The following IQSEC1 variants were observed in gnomAD, a reference collection of about 807,000 sequenced individuals.
IQSEC1 encodes IQ motif and SEC7 domain-containing protein 1.
A neutral mutation model predicts 91.0 loss-of-function variants in IQSEC1; 31 were observed. The observed-to-expected ratio is 0.34, with a 90% CI of 0.26 to 0.46. The LOEUF (loss-of-function observed/expected upper bound fraction) is 0.46. Among genes scored for constraint, IQSEC1 ranks in the 20% least tolerant of loss-of-function variants. The pLI is 1.00. For synonymous variants in IQSEC1, 699 were observed against 662.6 expected (o/e 1.05, Z -0.84); for missense variants, 1,388 against 1,575.6 (o/e 0.88, Z 2.02).
intron 1 of IQSEC1, among the ~76,000 whole-genome samples, chr3:13,177,178 T>C (rs1449800099): frequency 6.6e-6 from 1 of 152,324 alleles, no homozygotes; most frequent in East Asian, 1.9e-4. Flanking sequence ...TTACACACTT[T>C]AAAAGGGCCA....
At chr3:12,912,798 T>C (rs1015613732) in intron 9 of IQSEC1, among the ~76,000 whole-genome samples, 1 of 151,888 alleles carries the variant, frequency 6.6e-6, no homozygotes, top group Non-Finnish European at 1.5e-5. Context: ...TCTGCCCCCG[T>C]CTGGCTAGCA....
chr3:13,175,267 T>G (rs1693704376), intron 1 of IQSEC1, among the ~76,000 whole-genome samples: 2 of 152,144 alleles, frequency 1.3e-5, no homozygotes, highest in Admixed American at 1.3e-4. Context: ...TCCTCATTTG[T>G]AAAATGCACC....
At chr3:13,052,666 C>T (rs1704732809) in intron 1 of IQSEC1, among the ~76,000 whole-genome samples, 1 of 152,196 alleles carries the variant, frequency 6.6e-6, no homozygotes, top group Non-Finnish European at 1.5e-5. Context: ...CCACCAGCAA[C>T]GGGTGAGTGA....
Position 12,943,961 on chromosome 3 carries a change from A to C in IQSEC1, c.24-2096T>G, listed in dbSNP as rs556782799. Among the ~76,000 whole-genome samples, 919 of 152,140 alleles carry C rather than the reference A, an allele frequency of 6.0e-3. 8 individuals carry two copies. Among genetic ancestry groups the C allele is most frequent in the African/African-American group, 0.021 (873 of 41,498 alleles). On this transcript the variant is annotated intron_variant, in intron 1 of 13. Transcript: ENST00000613206. Reference sequence around the variant, plus strand: ...GGGTCAGGCAGGGGATGCCCACCCCACTCCCCAGGAGCTGGGCCATGACAG... The same window carrying C: ...GGGTCAGGCAGGGGATGCCCACCCCCCTCCCCAGGAGCTGGGCCATGACAG...
Position 12,992,501 on chromosome 3 carries a change from G to A in IQSEC1, c.24-50636C>T, listed in dbSNP as rs1159759163. 2.6e-5 allele frequency among the ~76,000 whole-genome samples: 4 copies of A among 152,238 alleles called. No individual in the cohort carries two copies. The highest frequency in any genetic ancestry group is 2.1e-4 in the South Asian group (1 of 4,836). On this transcript the variant is annotated intron_variant, in intron 1 of 13. Coordinates refer to ENST00000613206, the MANE Select transcript of IQSEC1 (RefSeq NM_001134382.3). This position sits in a 1 kb window ranked among gnomAD's most constrained non-coding sequence, Gnocchi z 4.1. ...CATACTGGGGGCAGGGGAGGGTGAC[G>A]AGAAAGCTATTCCTGTGTCACCTTA...
intron 1 of IQSEC1, among the ~76,000 whole-genome samples, chr3:12,981,839 G>T (rs574390349): frequency 2.6e-5 from 4 of 152,182 alleles, no homozygotes; most frequent in African/African-American, 7.2e-5. Context: ...GTCAGGAGCC[G>T]GGTGAGACCA....
chr3:13,009,177 A>G (rs1200596083), intron 1 of IQSEC1, among the ~76,000 whole-genome samples: 4 of 152,116 alleles, frequency 2.6e-5, no homozygotes, highest in Non-Finnish European at 5.9e-5. Context: ...TCATAGGTCT[A>G]TTTTACAGAT....
chr3:12,945,153 G>C (rs1439984987), intron 1 of IQSEC1, among the ~76,000 whole-genome samples: 1 of 152,202 alleles, frequency 6.6e-6, no homozygotes, highest in African/African-American at 2.4e-5. Context: ...AGATGGGAGT[G>C]CCTGGCGCTG....
At chr3:13,116,043 C>T (rs930893035) in intron 2 of IQSEC1, among the ~76,000 whole-genome samples, 2 of 152,214 alleles carry the variant, frequency 1.3e-5, no homozygotes, top group Non-Finnish European at 2.9e-5. Flanking sequence ...AGAAGGGTCC[C>T]TTAGGATCCC....
intron 5 of IQSEC1, 109 bp from the exon 6 acceptor site, chr3:12,920,705 G>C: frequency 8.5e-7 from 1 of 1,177,102 alleles, no homozygotes; most frequent in Non-Finnish European, 1.2e-6. Context: ...CCTGCTTCTG[G>C]TGAGCGAGGA....
chr3:13,073,866 TCA>T (rs1705516015), upstream of IQSEC1, among the ~76,000 whole-genome samples: 1 of 152,164 alleles, frequency 6.6e-6, no homozygotes, highest in Non-Finnish European at 1.5e-5. Context: ...GTGAAAGGGA[TCA>T]TAACAGCTAT....
intron 1 of IQSEC1, among the ~76,000 whole-genome samples, chr3:13,244,860 C>A (rs1695081919): frequency 6.6e-6 from 1 of 152,176 alleles, no homozygotes; most frequent in Non-Finnish European, 1.5e-5. Context: ...CACCGTGGCA[C>A]CAGCCAACTG....
chr3:12,949,771 G>A (rs1004642550), intron 1 of IQSEC1, among the ~76,000 whole-genome samples: 5 of 152,296 alleles, frequency 3.3e-5, no homozygotes, highest in South Asian at 2.1e-4. Context: ...TCTGGGGGGC[G>A]GGTGGGGGCA....
chr3:13,236,819 G>A (rs1694937380), intron 1 of IQSEC1, among the ~76,000 whole-genome samples: 1 of 152,214 alleles, frequency 6.6e-6, no homozygotes, highest in Admixed American at 6.5e-5. Flanking sequence ...TGAGGCCTCT[G>A]GTCACCCCAT....
chr3:12,978,217 C>T (rs1701278772), intron 1 of IQSEC1, among the ~76,000 whole-genome samples: 1 of 152,220 alleles, frequency 6.6e-6, no homozygotes, highest in Admixed American at 6.5e-5. Flanking sequence ...CACTAAGACA[C>T]ACAGCCCATG....
chr3:13,259,184 C>T lies in IQSEC1; in HGVS notation c.272+23527G>A, dbSNP rs1695340686. ...GCCACACCGCTCCACCTCCACCACC[C>T]TCTGCCATGCAGGCCCTGGGACGGG... On this transcript the variant is annotated intron_variant, in intron 1 of 15. Transcript: ENST00000648114. This position sits in a 1 kb window ranked among gnomAD's most constrained non-coding sequence, Gnocchi z 4.6. Among the ~76,000 whole-genome samples the T allele has an allele frequency of 6.6e-6, 1 of 152,252 alleles. No individual in the cohort carries two copies. The highest frequency in any genetic ancestry group is 2.1e-4 in the South Asian group (1 of 4,836).
chr3:12,955,921 C>T (rs1373746790), intron 1 of IQSEC1, among the ~76,000 whole-genome samples: 1 of 152,172 alleles, frequency 6.6e-6, no homozygotes, highest in Non-Finnish European at 1.5e-5. Context: ...GACTGGCAGC[C>T]CCTGGCCCAA....
chr3:12,977,543 T>C (rs1701244567), intron 1 of IQSEC1, among the ~76,000 whole-genome samples: 2 of 152,330 alleles, frequency 1.3e-5, no homozygotes, highest in South Asian at 4.1e-4. Context: ...ACATCTCACC[T>C]GGATGTCACT....
At position 13,008,513 on chromosome 3, in the gene IQSEC1, T is replaced by G. The variant is rs1416295603; in HGVS notation, c.23+64479A>C. Among the ~76,000 whole-genome samples the G allele has an allele frequency of 1.3e-5, 2 of 152,148 alleles. No homozygotes were observed. Among genetic ancestry groups the G allele is most frequent in the Non-Finnish European group, 2.9e-5 (2 of 68,024 alleles). ...TTTGCTAGCCACCTCCTTCTTGCTC[T>G]CAGTTCCCCTCCTCAGGGAGGCCCT... On this transcript the variant is annotated intron_variant, in intron 1 of 13. Coordinates refer to ENST00000613206, the MANE Select transcript of IQSEC1 (RefSeq NM_001134382.3). The surrounding 1 kb of genome is among the most constrained non-coding windows in gnomAD (Gnocchi z 4.1).
Sources: allele counts gnomAD v4.1 joint callset (sites outside exome capture counted in the v4.1 genomes callset), GRCh38; gene constraint gnomAD v4.1.1; non-coding constraint Gnocchi (gnomAD v3.1); transcripts MANE v1.5; gene names NCBI Gene and HGNC (gene_info 2026-07-23, HGNC 2026-07-21).